HECTD4: variants seen among roughly 807,000 people sequenced by gnomAD.
HECTD4 encodes the protein HECT domain E3 ubiquitin protein ligase 4, also known as probable E3 ubiquitin-protein ligase HECTD4.
A neutral mutation model predicts 471.5 loss-of-function variants in HECTD4; 114 were observed. The ratio of observed to expected loss-of-function variants is 0.24; its 90% CI spans 0.21 to 0.28. HECTD4 has a LOEUF of 0.28. Among genes scored for constraint, HECTD4 ranks in the 10% least tolerant of loss-of-function variants. The probability of loss-of-function intolerance (pLI) is 1.00; values close to 1 mark genes in which losing one functional copy is unlikely to be tolerated. For synonymous variants in HECTD4, 2,012 were observed against 2,256.0 expected, an observed-to-expected ratio of 0.89 and a Z score of 3.07; for missense variants, 3,866 against 5,651.5, an observed-to-expected ratio of 0.68 and a Z score of 10.13.
At chr12:112,200,916 T>C in intron 54 of HECTD4, 118 bp from the exon 55 acceptor site, 1 of 866,916 alleles carries the variant, frequency 1.2e-6, no homozygotes, top group East Asian at 2.7e-5. Context: ...TGTGTGTATT[T>C]TCAGTCCAGG....
At position 112,193,734 on chromosome 12, in the gene HECTD4, T is replaced by C; in HGVS notation, c.8750-60A>G. On this transcript the variant is annotated intron_variant, in intron 56 of 75. Coordinates refer to ENST00000682272, the MANE Select transcript of HECTD4 (RefSeq NM_001388303.1). The surrounding 1 kb of genome is among the most constrained non-coding windows in gnomAD (Gnocchi z 5.2). ...TCAAAGCAGCCAGTAGCTGTGAGAG[T>C]CTAAGTAACAGAAAATGAATAACCC... The C allele has an allele frequency of 6.8e-7, 1 of 1,469,696 alleles. No homozygotes were observed. Among genetic ancestry groups the C allele is most frequent in the Non-Finnish European group, 9.3e-7 (1 of 1,070,512 alleles). The allele number at this position is 1,469,696 out of a possible 1,614,324, so 91.0% of individuals were successfully genotyped here.
chr12:112,221,882 G>A (rs1396536796), intron 44 of HECTD4, among the ~76,000 whole-genome samples: 1 of 151,054 alleles, frequency 6.6e-6, no homozygotes, highest in Non-Finnish European at 1.5e-5. Flanking sequence ...AGCCTCCTGA[G>A]TAGCTGGGAT....
chr12:112,362,550 C>A (rs141365741), intron 1 of HECTD4, among the ~76,000 whole-genome samples: 1 of 152,208 alleles, frequency 6.6e-6, no homozygotes, highest in East Asian at 1.9e-4. Context: ...AATCTGCCTA[C>A]GCATCACTCA....
intron 70 of HECTD4, 111 bp downstream of exon 70, chr12:112,169,392 T>C: frequency 8.2e-7 from 1 of 1,216,828 alleles, no homozygotes. Flanking sequence ...GCAGCACAAG[T>C]GCTGAGGATG....
chr12:112,223,157 C>G (rs1488321662), intron 44 of HECTD4, among the ~76,000 whole-genome samples: 1 of 152,124 alleles, frequency 6.6e-6, no homozygotes, highest in Admixed American at 6.5e-5. Context: ...CCTCTACTTA[C>G]AATTCTGACT....
At chr12:112,168,351 C>T (rs2031065894) in intron 70 of HECTD4, among the ~76,000 whole-genome samples, 1 of 152,228 alleles carries the variant, frequency 6.6e-6, no homozygotes, top group Non-Finnish European at 1.5e-5. Flanking sequence ...CACTGCCTCC[C>T]CCAGTGCCCG....
chr12:112,275,616 C>A (rs1400573015), intron 9 of HECTD4, among the ~76,000 whole-genome samples: 1 of 150,258 alleles, frequency 6.7e-6, no homozygotes, highest in Non-Finnish European at 1.5e-5. Context: ...GGATCCACAC[C>A]AGCATATATA....
chr12:112,192,757 A>G lies in HECTD4; in HGVS notation c.9095T>C (p.Leu3032Pro). 6.3e-7 allele frequency: 1 copy of G among 1,580,972 alleles called. No homozygotes were observed. The highest frequency in any genetic ancestry group is 8.6e-7 in the Non-Finnish European group (1 of 1,163,624). ...CACCCGTGCCCACGGTGCCTTGTACAGAGAGGAGCTGAGAAGGAGGGATGG... is the reference window on the plus strand; with the variant it reads ...CACCCGTGCCCACGGTGCCTTGTACGGAGAGGAGCTGAGAAGGAGGGATGG... ...SQSGFRKDSSLYKAPWARVLV... is the reference protein window; with the variant it reads ...SQSGFRKDSSPYKAPWARVLV... The change falls in exon 59 of 76, where the codon CTG (leucine) becomes CCG (proline). Residue 3032 changes from leucine (L) to proline (P), a missense_variant. Transcript: ENST00000682272.
At chr12:112,216,186 A>G in intron 48 of HECTD4, 106 bp downstream of exon 48, 1 of 753,992 alleles carries the variant, frequency 1.3e-6, no homozygotes, top group Middle Eastern at 2.4e-4. Flanking sequence ...GCTAAATGAC[A>G]AACTGCCCAT....
chr12:112,259,760 T>A (rs1379576363), intron 18 of HECTD4, among the ~76,000 whole-genome samples: 1 of 152,178 alleles, frequency 6.6e-6, no homozygotes. Context: ...TGCCAATGGC[T>A]ACTACCTGTA....
chr12:112,213,875 A>T lies in HECTD4; in HGVS notation c.7466-1225T>A, dbSNP rs919206774. 2.0e-5 allele frequency among the ~76,000 whole-genome samples: 3 copies of T among 151,634 alleles called. No homozygotes were observed. Among genetic ancestry groups the T allele is most frequent in the Admixed American group, 1.3e-4 (2 of 15,180 alleles). On this transcript the variant is annotated intron_variant, in intron 48 of 75. Transcript: ENST00000682272. This position sits in a 1 kb window ranked among gnomAD's most constrained non-coding sequence, Gnocchi z 4.0. ...CGTCTCTACAAAAAATACAGAAATT[A>T]GTCAGGCATGGTAGTGTGTGCCTAT...
intron 9 of HECTD4, among the ~76,000 whole-genome samples, chr12:112,276,309 G>T (rs555496730): frequency 6.6e-6 from 1 of 151,834 alleles, no homozygotes; most frequent in African/African-American, 2.4e-5. Flanking sequence ...AATTTCAACT[G>T]AGCAAAAAAG....
chr12:112,222,903 G>A (rs2033139286), intron 44 of HECTD4, among the ~76,000 whole-genome samples: 1 of 152,154 alleles, frequency 6.6e-6, no homozygotes, highest in South Asian at 2.1e-4. Context: ...TCGGGAAGGA[G>A]AGCTGATTCC....
chr12:112,253,513 G>A (rs2135592331), intron 22 of HECTD4, among the ~76,000 whole-genome samples: 1 of 152,178 alleles, frequency 6.6e-6, no homozygotes, highest in East Asian at 1.9e-4. Flanking sequence ...AACAGACTTT[G>A]GAGACATTTT....
intron 7 of HECTD4, among the ~76,000 whole-genome samples, chr12:112,294,503 T>A (rs938161823): frequency 6.6e-6 from 1 of 152,168 alleles, no homozygotes; most frequent in Non-Finnish European, 1.5e-5. Flanking sequence ...ACTTAAATTT[T>A]AAAAAATGAA....
rs1267900926 is a variant in HECTD4, at chr12:112,173,621, C to T, written c.11595-760G>A. Among the ~76,000 whole-genome samples, 1 of 151,896 alleles carries T rather than the reference C, an allele frequency of 6.6e-6. No homozygotes were observed. The highest frequency in any genetic ancestry group is 1.5e-5 in the Non-Finnish European group (1 of 67,964). On this transcript the variant is annotated intron_variant, in intron 66 of 75. Coordinates refer to ENST00000682272, the MANE Select transcript of HECTD4 (RefSeq NM_001388303.1). The surrounding 1 kb of genome is among the most constrained non-coding windows in gnomAD (Gnocchi z 4.3). ...GTGTTAGCCAGGATGGTCTCAATCT[C>T]CTGACCTTGTGATCCGCCCGCCTCA... is the stretch of plus-strand genomic sequence containing the variant.
At chr12:112,311,241 G>A (rs1328150664) in intron 4 of HECTD4, among the ~76,000 whole-genome samples, 2 of 150,760 alleles carry the variant, frequency 1.3e-5, no homozygotes, top group Non-Finnish European at 2.9e-5. Context: ...TAGCCTAGGC[G>A]ACAAGAGCGA....
In HECTD4 at chr12:112,185,246, C is replaced by A. The variant is rs760325995; in HGVS notation, c.9720G>T (p.Gly3240=). 2.6e-6 allele frequency: 4 copies of A among 1,550,178 alleles called. No homozygotes were observed. The highest frequency in any genetic ancestry group is 3.5e-6 in the Non-Finnish European group (4 of 1,146,576). ...WVSGGACGGS[G]GAAAGDQGRF... ...TGCCCTGGTCACCGGCCGCCGCCCC[C>A]CCGGAGCCCCCGCAGGCGCCGCCTG... is the stretch of plus-strand genomic sequence containing the variant. The change falls in exon 61 of 76, where the codon GGG becomes GGT. Residue 3240 remains glycine (G), a synonymous_variant. Transcript: ENST00000682272.
Position 112,193,106 on chromosome 12 carries a change from A to G in HECTD4, c.9041T>C (p.Phe3014Ser). 1 of 1,613,948 alleles carries G rather than the reference A, an allele frequency of 6.2e-7. No homozygotes were observed. Among genetic ancestry groups the G allele is most frequent in the Non-Finnish European group, 8.5e-7 (1 of 1,179,882 alleles). Residue 3014 changes from phenylalanine (F) to serine (S), a missense_variant, in exon 58 of 76, where the codon TTT (phenylalanine) becomes TCT (serine). Phe to Ser is a radical substitution (Grantham distance 155, BLOSUM62 -2). This residue lies in a region of HECTD4 where 364 missense variants were observed against 413.2 expected (regional missense o/e 0.88). Coordinates refer to ENST00000682272, the MANE Select transcript of HECTD4 (RefSeq NM_001388303.1). The surrounding 1 kb of genome is among the most constrained non-coding windows in gnomAD (Gnocchi z 5.2). ...ACTTTCTTTACAAGACACAACAACA[A>G]AAGCTGCCCCGGGGAAATTCACGTC... The part of the protein sequence containing the change: ...NMDVNFPGAA[F>S]VVVSCKESQS...
Sources: allele counts gnomAD v4.1 joint callset (sites outside exome capture counted in the v4.1 genomes callset), GRCh38; gene constraint gnomAD v4.1.1; regional missense constraint gnomAD v4.1.1; non-coding constraint Gnocchi (gnomAD v3.1); transcripts MANE v1.5; gene names NCBI Gene and HGNC (gene_info 2026-07-23, HGNC 2026-07-21).